Variants in IRS1 observed in about 807,000 individuals in gnomAD.
IRS1 encodes the protein insulin receptor substrate 1.
Under a neutral mutation model 65.6 loss-of-function variants are expected in IRS1, and 34 were observed. The ratio of observed to expected loss-of-function variants is 0.52; its 90% CI spans 0.39 to 0.69. The LOEUF (loss-of-function observed/expected upper bound fraction) is 0.69. Ranked by LOEUF, IRS1 falls within the 30% of genes least tolerant of loss-of-function variation. The probability of loss-of-function intolerance (pLI) is 0.00; values close to 1 mark genes in which losing one functional copy is unlikely to be tolerated. For missense variants in IRS1, 1,641 were observed against 1,720.2 expected (o/e 0.95, Z 0.81); for synonymous variants, 699 against 683.5 (o/e 1.02, Z -0.35).
At chr2:226,761,732 C>G (rs1938917001) in intron 1 of IRS1, among the ~76,000 whole-genome samples, 1 of 151,998 alleles carries the variant, frequency 6.6e-6, no homozygotes, top group East Asian at 1.9e-4. Context: ...ACCTGAAATT[C>G]CCCAAATCCA....
rs1030492014 is a variant in IRS1, at chr2:226,799,421, C to T, written c.-683G>A. On this transcript the variant is annotated 5_prime_UTR_variant, in exon 1 of 2. Transcript: ENST00000305123. This position sits in a 1 kb window ranked among gnomAD's most constrained non-coding sequence, Gnocchi z 6.1. ...CGCCCGCGGGCGCGTCCTCTGCAGCCCCCATCCGGGCCCATCTCGGCGGGT... is the reference window on the plus strand; with the variant it reads ...CGCCCGCGGGCGCGTCCTCTGCAGCTCCCATCCGGGCCCATCTCGGCGGGT... The T allele has an allele frequency of 8.1e-7, 1 of 1,239,388 alleles. No homozygotes were observed. The highest frequency in any genetic ancestry group is 1.6e-5 in the African/African-American group (1 of 61,100). 76.8% of individuals were successfully genotyped at this position (1,239,388 alleles called of 1,614,324 possible).
chr2:226,760,675 T>C (rs1365671353), intron 1 of IRS1, among the ~76,000 whole-genome samples: 1 of 152,178 alleles, frequency 6.6e-6, no homozygotes, highest in African/African-American at 2.4e-5. Flanking sequence ...TGGGCACGTA[T>C]GAAGGCAACC....
In IRS1 at chr2:226,796,196, G is replaced by A. The variant is rs776143235; in HGVS notation, c.2543C>T (p.Ala848Val). ...QPHLPRKVDTAAQTNSRLARP... is the reference protein window; with the variant it reads ...QPHLPRKVDTVAQTNSRLARP... The stretch of plus-strand genomic sequence containing the variant: ...GGCCAGGCGGCTATTGGTCTGAGCA[G>A]CTGTGTCCACCTTTCGAGGCAGATG... The change falls in exon 1 of 2, where the codon GCT becomes GTT. Residue 848 changes from alanine (A) to valine (V), a missense_variant. Around this residue, in one of 3 missense-constraint regions of IRS1, gnomAD observed 1,324 missense variants for 1,361.0 expected, o/e 0.97. Transcript: ENST00000305123. 2.5e-6 allele frequency: 4 copies of A among 1,613,434 alleles called. No homozygotes were observed. The highest frequency in any genetic ancestry group is 1.7e-5 in the Admixed American group (1 of 59,998).
intron 1 of IRS1, among the ~76,000 whole-genome samples, chr2:226,768,506 C>A (rs181098801): frequency 6.6e-6 from 1 of 151,982 alleles, no homozygotes; most frequent in East Asian, 1.9e-4. Context: ...CTAAAATAAA[C>A]CAAACCAAAG....
chr2:226,773,601 C>T (rs1228397245), intron 1 of IRS1, among the ~76,000 whole-genome samples: 1 of 150,846 alleles, frequency 6.6e-6, no homozygotes, highest in African/African-American at 2.4e-5. Flanking sequence ...TAGAATGGGA[C>T]TGTATAACTT....
In IRS1 at chr2:226,796,994, T is replaced by G. The variant is rs1322355786; in HGVS notation, c.1745A>C (p.Tyr582Ser). The G allele has an allele frequency of 2.0e-5, 32 of 1,594,782 alleles. No individual in the cohort carries two copies. The highest frequency in any genetic ancestry group is 2.7e-5 in the Non-Finnish European group (32 of 1,168,030). ...RHSAFVPTRS[Y>S]PEEGLEMHPL... Reference sequence around the variant, plus strand: ...GTGCATTTCCAGACCCTCCTCTGGGTAGGAGCGGGTGGGCACGAAGGCGGA... The same window carrying G: ...GTGCATTTCCAGACCCTCCTCTGGGGAGGAGCGGGTGGGCACGAAGGCGGA... The change falls in exon 1 of 2, where the codon TAC becomes TCC. Residue 582 changes from tyrosine (Y) to serine (S), a missense_variant. Around this residue, in one of 3 missense-constraint regions of IRS1, gnomAD observed 1,324 missense variants for 1,361.0 expected, o/e 0.97. Coordinates refer to ENST00000305123, the MANE Select transcript of IRS1 (RefSeq NM_005544.3).
chr2:226,772,315 G>C (rs1251135274), intron 1 of IRS1, among the ~76,000 whole-genome samples: 1 of 152,118 alleles, frequency 6.6e-6, no homozygotes, highest in Non-Finnish European at 1.5e-5. Context: ...AACATTATAA[G>C]ACAGACTGGG....
intron 1 of IRS1, among the ~76,000 whole-genome samples, chr2:226,766,103 CA>C (rs1939024859): frequency 9.4e-6 from 1 of 106,684 alleles, no homozygotes; most frequent in Non-Finnish European, 1.8e-5. Context: ...TGAATTTTCC[CA>C]AGGCCCTCTC....
At chr2:226,747,724 C>A (rs1409205202) in intron 1 of IRS1, among the ~76,000 whole-genome samples, 2 of 152,124 alleles carry the variant, frequency 1.3e-5, no homozygotes, top group African/African-American at 4.8e-5. Context: ...TGAGGCTCAA[C>A]CAATTTCTCT....
At chr2:226,792,457 AG>A (rs1939630866) in intron 1 of IRS1, 1 of 152,310 alleles carries the variant, frequency 6.6e-6, no homozygotes, top group South Asian at 2.1e-4. Context: ...AAGGGATGGC[AG>A]GGGATAGTAC....
rs972749730 is a variant in IRS1 at position 226,785,904 on chromosome 2, C to T, written c.*21+9085G>A. Reference sequence around the variant, plus strand: ...GCTATCCCTCCCCCCTCCCCCTACCCCACAACAGTCCCCAGAGTGTGATGT... The same window carrying T: ...GCTATCCCTCCCCCCTCCCCCTACCTCACAACAGTCCCCAGAGTGTGATGT... On this transcript the variant is annotated intron_variant, in intron 1 of 1. Coordinates refer to ENST00000305123, the MANE Select transcript of IRS1 (RefSeq NM_005544.3). Among the ~76,000 whole-genome samples, 185 of 138,446 alleles carry T rather than the reference C, an allele frequency of 1.3e-3. 10 individuals carry two copies. Among genetic ancestry groups the T allele is most frequent in the Admixed American group, 7.4e-3 (98 of 13,324 alleles). 90.8% of individuals were successfully genotyped at this position (138,446 alleles called of 152,430 possible).
intron 1 of IRS1, among the ~76,000 whole-genome samples, chr2:226,744,462 C>T (rs183866265): frequency 8.1e-4 from 124 of 152,270 alleles, no homozygotes; most frequent in African/African-American, 2.9e-3. Context: ...AGAAGATTTT[C>T]CCTACAACAT....
At position 226,738,328 on chromosome 2, in the gene IRS1, T is replaced by C. The variant is rs565676495; in HGVS notation, c.*22-2078A>G. Reference sequence around the variant, plus strand: ...CTCATATCTTTTTCCCTCTGTCTCCTCTTGAAGGGAATGATCATGGCTGGC... The same window carrying C: ...CTCATATCTTTTTCCCTCTGTCTCCCCTTGAAGGGAATGATCATGGCTGGC... On this transcript the variant is annotated intron_variant, in intron 1 of 1. Transcript: ENST00000305123. 6.2e-4 allele frequency among the ~76,000 whole-genome samples: 95 copies of C among 152,352 alleles called. No homozygotes were observed. In the Middle Eastern group the frequency reaches 0.01, roughly 16 times the overall value.
At position 226,798,555 on chromosome 2, in the gene IRS1, G is replaced by A; in HGVS notation, c.184C>T (p.Arg62Cys). 6.2e-7 allele frequency: 1 copy of A among 1,613,980 alleles called. No individual in the cohort carries two copies. The highest frequency in any genetic ancestry group is 8.5e-7 in the Non-Finnish European group (1 of 1,180,030). The change falls in exon 1 of 2, where the codon CGC becomes TGC. Residue 62 changes from arginine to cysteine, a missense_variant. By Grantham distance (180) the Arg-to-Cys change is radical. Around this residue, in one of 3 missense-constraint regions of IRS1, gnomAD observed 240 missense variants for 229.6 expected, o/e 1.05. Transcript: ENST00000305123. The surrounding 1 kb of genome is among the most constrained non-coding windows in gnomAD (Gnocchi z 9.4). ...KWRHKSSAPK[R>C]SIPLESCFNI... ...AAGCAGCTCTCAAGGGGGATCGAGC[G>A]TTTGGGGGCGCTCGACTTGTGCCGC... is the stretch of plus-strand genomic sequence containing the variant.
rs1399411668 is a variant in IRS1 at position 226,731,673 on chromosome 2, AC to A, written c.*4598del. ...ACAGATGAAGTAGCACCGGGGCAGCACCACCATCTTAAGATGATAAACCAAA... is the reference window on the plus strand; with the variant it reads ...ACAGATGAAGTAGCACCGGGGCAGCACACCATCTTAAGATGATAAACCAAA... On this transcript the variant is annotated 3_prime_UTR_variant, in exon 2 of 2. Transcript: ENST00000305123. 1 of 152,196 alleles carries A rather than the reference AC, an allele frequency of 6.6e-6. No individual in the cohort carries two copies. The highest frequency in any genetic ancestry group is 1.5e-5 in the Non-Finnish European group (1 of 68,048). 9.4% of individuals were successfully genotyped at this position (152,196 alleles called of 1,614,324 possible). A position where few individuals can be genotyped will look rare whatever the true frequency, so the allele number is the denominator to read the frequency against.
chr2:226,758,842 C>T (rs1938855203), intron 1 of IRS1, among the ~76,000 whole-genome samples: 1 of 152,078 alleles, frequency 6.6e-6, no homozygotes, highest in Admixed American at 6.5e-5. Context: ...CCCAACCTAC[C>T]CTTCCTAAAA....
At chr2:226,770,354 A>G (rs1254318241) in intron 1 of IRS1, among the ~76,000 whole-genome samples, 1 of 152,246 alleles carries the variant, frequency 6.6e-6, no homozygotes, top group Non-Finnish European at 1.5e-5. Flanking sequence ...TAAATTTAGT[A>G]TGATACATTG....
chr2:226,747,302 C>G (rs1207184203), intron 1 of IRS1, among the ~76,000 whole-genome samples: 3 of 152,006 alleles, frequency 2.0e-5, no homozygotes, highest in African/African-American at 7.3e-5. Context: ...TGTTGAGATC[C>G]TAACCCTCAA....
At chr2:226,755,933 A>G (rs1441819340) in intron 1 of IRS1, among the ~76,000 whole-genome samples, 5 of 152,272 alleles carry the variant, frequency 3.3e-5, no homozygotes, top group Admixed American at 3.3e-4. Context: ...GATGAGCCAC[A>G]TGTTTAAAAT....
Sources: allele counts gnomAD v4.1 joint callset (sites outside exome capture counted in the v4.1 genomes callset), GRCh38; gene constraint gnomAD v4.1.1; regional missense constraint gnomAD v4.1.1; non-coding constraint Gnocchi (gnomAD v3.1); transcripts MANE v1.5; gene names NCBI Gene and HGNC (gene_info 2026-07-23, HGNC 2026-07-21).